The following CNTNAP2 variants were observed in gnomAD, a reference collection of about 807,000 sequenced individuals.
CNTNAP2 encodes the protein contactin associated protein 2.
In CNTNAP2, 98 loss-of-function variants were observed where a neutral mutation model predicts 155.2. The observed-to-expected ratio is 0.63, with a 90% CI of 0.54 to 0.75. The LOEUF (loss-of-function observed/expected upper bound fraction) is 0.75. CNTNAP2 is among the 30% of genes least tolerant of loss of function. The pLI is 0.00. For synonymous variants in CNTNAP2, 651 were observed against 631.2 expected (o/e 1.03, Z -0.47); for missense variants, 1,727 against 1,688.1 (o/e 1.02, Z -0.40).
intron 1 of CNTNAP2, among the ~76,000 whole-genome samples, chr7:146,571,979 G>A (rs1172145996): frequency 2.6e-5 from 4 of 152,104 alleles, no homozygotes; most frequent in African/African-American, 7.2e-5. Flanking sequence ...TCGGCCTCCC[G>A]AAGTGCCGGG....
At chr7:147,170,196 G>C (rs914506763) in intron 8 of CNTNAP2, among the ~76,000 whole-genome samples, 1 of 152,080 alleles carries the variant, frequency 6.6e-6, no homozygotes, top group African/African-American at 2.4e-5. Flanking sequence ...CTTGTCCTTG[G>C]CTTCCAAGGC....
At chr7:146,779,115 G>A (rs1315748314) in intron 2 of CNTNAP2, among the ~76,000 whole-genome samples, 1 of 152,136 alleles carries the variant, frequency 6.6e-6, no homozygotes, top group Admixed American at 6.5e-5. Context: ...TCACTCACAG[G>A]CTCTTTCAGA....
chr7:147,290,406 G>A lies in CNTNAP2; in HGVS notation c.1349-9735G>A, dbSNP rs1246907411. ...GTATAAAAAATATGACACTGGCAGG[G>A]TGCAGTGGCTCACTCCTGTAATCCA... On this transcript the variant is annotated intron_variant, in intron 8 of 23. Coordinates refer to ENST00000361727, the MANE Select transcript of CNTNAP2 (RefSeq NM_014141.6). Among the ~76,000 whole-genome samples, 10 of 152,106 alleles carry A rather than the reference G, an allele frequency of 6.6e-5. No individual in the cohort carries two copies. The South Asian group carries it at 1.0e-3, about 16-fold the overall frequency.
intron 1 of CNTNAP2, among the ~76,000 whole-genome samples, chr7:146,165,834 C>T (rs1161758503): frequency 6.6e-6 from 1 of 152,074 alleles, no homozygotes; most frequent in Admixed American, 6.6e-5. Context: ...TTGTGTAATG[C>T]ATAATGATAA....
At chr7:147,181,683 A>G (rs1802457978) in intron 8 of CNTNAP2, among the ~76,000 whole-genome samples, 2 of 152,238 alleles carry the variant, frequency 1.3e-5, no homozygotes, top group South Asian at 4.1e-4. Flanking sequence ...TGTTTTCACT[A>G]TCTGAGTTGT....
At chr7:148,382,609 G>A (rs1392508134) in intron 21 of CNTNAP2, among the ~76,000 whole-genome samples, 1 of 152,182 alleles carries the variant, frequency 6.6e-6, no homozygotes, top group African/African-American at 2.4e-5. Flanking sequence ...GAAGAACAAG[G>A]CACTTTATCC....
At position 147,646,123 on chromosome 7, in the gene CNTNAP2, A is replaced by G. The variant is rs115760368; in HGVS notation, c.2098+6817A>G. 7.2e-3 allele frequency among the ~76,000 whole-genome samples: 1,099 copies of G among 152,212 alleles called. 14 individuals are homozygous for G. Among genetic ancestry groups the G allele is most frequent in the African/African-American group, 0.025 (1,032 of 41,524 alleles). ...GGAGGCCAGCTGGGACTTGAGAGAAAGTTTGTTGTTGTTGTTGTTGCTGTT... is the reference window on the plus strand; with the variant it reads ...GGAGGCCAGCTGGGACTTGAGAGAAGGTTTGTTGTTGTTGTTGTTGCTGTT... On this transcript the variant is annotated intron_variant, in intron 13 of 23. Transcript: ENST00000361727.
chr7:146,502,859 C>T (rs566378877), intron 1 of CNTNAP2, among the ~76,000 whole-genome samples: 48 of 152,292 alleles, frequency 3.2e-4, no homozygotes, highest in African/African-American at 1.1e-3. Flanking sequence ...AAGTGATCTG[C>T]CTGCCTCAGC....
chr7:147,728,025 T>C (rs1796673377), intron 13 of CNTNAP2, among the ~76,000 whole-genome samples: 1 of 152,070 alleles, frequency 6.6e-6, no homozygotes, highest in South Asian at 2.1e-4. Context: ...ATCTTATTCT[T>C]GTGTAAAGCA....
intron 1 of CNTNAP2, among the ~76,000 whole-genome samples, chr7:146,370,798 G>C (rs1023626247): frequency 6.6e-6 from 1 of 152,016 alleles, no homozygotes; most frequent in Non-Finnish European, 1.5e-5. Flanking sequence ...GAATAATTTG[G>C]TGATTTATAT....
At position 146,552,118 on chromosome 7, in the gene CNTNAP2, A is replaced by C. The variant is rs1043056405; in HGVS notation, c.98-222153A>C. On this transcript the variant is annotated intron_variant, in intron 1 of 23. Coordinates refer to ENST00000361727, the MANE Select transcript of CNTNAP2 (RefSeq NM_014141.6). ...TCTAACAGCCATGAAGAAATACTGA[A>C]GTATTTTAAGCAAAGTTGCAACTAT... Among the ~76,000 whole-genome samples, 10 of 152,174 alleles carry C rather than the reference A, an allele frequency of 6.6e-5. 1 individual carries two copies. Among genetic ancestry groups the C allele is most frequent in the Admixed American group, 6.6e-4 (10 of 15,258 alleles).
At position 146,236,691 on chromosome 7, in the gene CNTNAP2, C is replaced by A. The variant is rs554479226; in HGVS notation, c.97+119718C>A. 2.0e-5 allele frequency among the ~76,000 whole-genome samples: 3 copies of A among 152,192 alleles called. No homozygotes were observed. The South Asian group carries it at 6.2e-4, about 32-fold the overall frequency. Reference sequence around the variant, plus strand: ...CAGCAAATTAATCAAACAAATCGAACATTTTCTTCTCCAGGGAACTGGGGA... The same window carrying A: ...CAGCAAATTAATCAAACAAATCGAAAATTTTCTTCTCCAGGGAACTGGGGA... On this transcript the variant is annotated intron_variant, in intron 1 of 23. Transcript: ENST00000361727.
intron 1 of CNTNAP2, among the ~76,000 whole-genome samples, chr7:146,392,151 A>G (rs1471713235): frequency 6.6e-6 from 1 of 152,132 alleles, no homozygotes; most frequent in Admixed American, 6.5e-5. Flanking sequence ...TCCACCTTGG[A>G]GATTGGTGTA....
chr7:147,263,279 T>G (rs1353551152), intron 8 of CNTNAP2, among the ~76,000 whole-genome samples: 1 of 151,940 alleles, frequency 6.6e-6, no homozygotes. Flanking sequence ...GAGGATAGCT[T>G]CAGCCCGGGA....
rs1433829810 is a variant in CNTNAP2 at position 146,841,592 on chromosome 7, T to C, written c.402+1688T>C. ...CTGTGATTTCTAAACTAAGATCAAA[T>C]TAGCATGTTGGTAAAATTACTTGAG... On this transcript the variant is annotated intron_variant, in intron 3 of 23. Transcript: ENST00000361727. 2.6e-5 allele frequency among the ~76,000 whole-genome samples: 4 copies of C among 151,984 alleles called. 1 individual carries two copies. Among genetic ancestry groups the C allele is most frequent in the Admixed American group, 2.0e-4 (3 of 15,268 alleles).
chr7:147,054,249 A>G (rs1056660301), intron 4 of CNTNAP2, among the ~76,000 whole-genome samples: 1 of 152,200 alleles, frequency 6.6e-6, no homozygotes, highest in African/African-American at 2.4e-5. Flanking sequence ...TAAGAAAAGT[A>G]TCTCACTAGT....
intron 8 of CNTNAP2, among the ~76,000 whole-genome samples, chr7:147,209,697 T>C (rs1300588780): frequency 6.6e-6 from 1 of 152,046 alleles, no homozygotes; most frequent in Non-Finnish European, 1.5e-5. Flanking sequence ...CTTTTTCCCA[T>C]GCAGTATGAT....
intron 3 of CNTNAP2, among the ~76,000 whole-genome samples, chr7:146,906,741 A>G (rs1396209900): frequency 2.0e-5 from 3 of 152,292 alleles, no homozygotes; most frequent in South Asian, 4.2e-4. Flanking sequence ...AAAACGCAGA[A>G]CACCTCTCCT....
intron 9 of CNTNAP2, among the ~76,000 whole-genome samples, chr7:147,368,445 T>A (rs914362111): frequency 6.6e-6 from 1 of 152,050 alleles, no homozygotes; most frequent in African/African-American, 2.4e-5. Context: ...AGTACTTTTG[T>A]ACTTACTTGA....
Sources: gnomAD v4.1 joint callset for allele counts (sites outside exome capture counted in the v4.1 genomes callset) on GRCh38, gnomAD v4.1.1 for gene constraint, MANE v1.5 for transcripts, NCBI Gene and HGNC (gene_info 2026-07-23, HGNC 2026-07-21) for gene names.